Variants in TRIM24 observed in about 807,000 individuals in gnomAD.
TRIM24 encodes transcription intermediary factor 1-alpha.
A neutral mutation model predicts 123.9 loss-of-function variants in TRIM24; 29 were observed. The observed-to-expected ratio is 0.23, with a 90% CI of 0.17 to 0.32. The LOEUF (loss-of-function observed/expected upper bound fraction) is 0.32. Ranked by LOEUF, TRIM24 falls within the 10% of genes least tolerant of loss-of-function variation. TRIM24 has a pLI of 1.00. For missense variants in TRIM24, 932 were observed against 1,295.3 expected (o/e 0.72, Z 4.31); for synonymous variants, 456 against 461.1 (o/e 0.99, Z 0.14).
chr7:138,561,837 C>T (rs1226097125), intron 9 of TRIM24, among the ~76,000 whole-genome samples: 1 of 152,212 alleles, frequency 6.6e-6, no homozygotes, highest in African/African-American at 2.4e-5. Flanking sequence ...CAGCCTCCCA[C>T]AGGAGGGGCT....
intron 1 of TRIM24, among the ~76,000 whole-genome samples, chr7:138,492,250 G>A (rs1457557014): frequency 9.4e-6 from 1 of 106,050 alleles, no homozygotes; most frequent in African/African-American, 3.8e-5. Context: ...TCTAGCCTGG[G>A]CAACAGGATA....
intron 15 of TRIM24, 48 bp downstream of exon 15, chr7:138,579,580 A>C: frequency 6.8e-7 from 1 of 1,469,036 alleles, no homozygotes; most frequent in Non-Finnish European, 9.2e-7. Flanking sequence ...AAACTTTTGA[A>C]GATTATTTTA....
In TRIM24 at chr7:138,589,987, C is replaced by T. The variant is rs1327075820; in HGVS notation, c.*5036C>T. 6.6e-6 allele frequency: 1 copy of T among 152,066 alleles called. No homozygotes were observed. Among genetic ancestry groups the T allele is most frequent in the Non-Finnish European group, 1.5e-5 (1 of 68,036 alleles). The allele number at this position is 152,066 out of a possible 1,614,324, so 9.4% of individuals were successfully genotyped here. On this transcript the variant is annotated 3_prime_UTR_variant, in exon 19 of 19. Transcript: ENST00000343526. Reference sequence around the variant, plus strand: ...TAAACATTTAATAAAATTATTTTCCCACGTTTTCACATGTGGTATGGAATA... The same window carrying T: ...TAAACATTTAATAAAATTATTTTCCTACGTTTTCACATGTGGTATGGAATA...
At chr7:138,463,043 G>GTTTTT (rs57719141) in intron 1 of TRIM24, among the ~76,000 whole-genome samples, 12 of 60,136 alleles carry the variant, frequency 2.0e-4, no homozygotes, top group African/African-American at 5.8e-4. Flanking sequence ...CTAATTTTGT[G>GTTTTT]TTTTTTTTTT....
At chr7:138,583,737 G>GCA in intron 17 of TRIM24, 113 bp from the exon 18 acceptor site, 1 of 799,124 alleles carries the variant, frequency 1.3e-6, no homozygotes, top group East Asian at 2.9e-5. Context: ...ATGGCAAATA[G>GCA]CACAGAGAAA....
intron 10 of TRIM24, among the ~76,000 whole-genome samples, chr7:138,570,597 T>TACTA (rs1030359932): frequency 1.6e-4 from 24 of 151,670 alleles, no homozygotes; most frequent in African/African-American, 5.8e-4. Context: ...TTCTGGTATA[T>TACTA]ACTAACTGTT....
chr7:138,529,920 C>G (rs946040049), intron 6 of TRIM24, among the ~76,000 whole-genome samples: 4 of 151,672 alleles, frequency 2.6e-5, no homozygotes, highest in East Asian at 3.9e-4. Context: ...CATATTGATA[C>G]AGTAAAGAAG....
intron 7 of TRIM24, among the ~76,000 whole-genome samples, chr7:138,544,333 A>G (rs1161404267): frequency 6.6e-6 from 1 of 152,220 alleles, no homozygotes; most frequent in African/African-American, 2.4e-5. Flanking sequence ...CATCCTTGTT[A>G]TCACAAATAG....
At chr7:138,462,562 G>C (rs1017408927) in intron 1 of TRIM24, among the ~76,000 whole-genome samples, 1 of 151,654 alleles carries the variant, frequency 6.6e-6, no homozygotes, top group African/African-American at 2.4e-5. Flanking sequence ...GGATGGTCTC[G>C]ATCTCCTGAC....
chr7:138,523,132 T>C (rs1796537487), intron 4 of TRIM24, among the ~76,000 whole-genome samples: 2 of 152,122 alleles, frequency 1.3e-5, no homozygotes, highest in African/African-American at 4.8e-5. Flanking sequence ...AAAAATTCAG[T>C]CTTTCAAAAG....
At position 138,560,094 on chromosome 7, in the gene TRIM24, C is replaced by T. The variant is rs945220866; in HGVS notation, c.1530+5128C>T. On this transcript the variant is annotated intron_variant, in intron 9 of 18. Coordinates refer to ENST00000343526, the MANE Select transcript of TRIM24 (RefSeq NM_015905.3). ...ATAGCCAGTTTGTTTGGTGGGGGTG[C>T]ACCTGACTCAGAGGAGGACCATGGG... 6.6e-5 allele frequency among the ~76,000 whole-genome samples: 10 copies of T among 152,172 alleles called. No homozygotes were observed. The East Asian group carries it at 1.7e-3, about 26-fold the overall frequency.
At chr7:138,539,230 ACACAATATGAGGTATAGCCAGGG>A in intron 7 of TRIM24, among the ~76,000 whole-genome samples, 1 of 152,130 alleles carries the variant, frequency 6.6e-6, no homozygotes, top group Non-Finnish European at 1.5e-5. Flanking sequence ...GTCTAACATC[ACACAATATGAGGTATAGCCAGGG>A]TTTATAATAT....
intron 7 of TRIM24, among the ~76,000 whole-genome samples, chr7:138,546,964 T>C (rs1797113915): frequency 6.6e-6 from 1 of 152,198 alleles, no homozygotes; most frequent in Admixed American, 6.5e-5. Flanking sequence ...AATCAAGATC[T>C]TGAATAGATG....
intron 11 of TRIM24, among the ~76,000 whole-genome samples, chr7:138,572,656 C>T (rs1008590940): frequency 3.3e-5 from 5 of 152,174 alleles, no homozygotes; most frequent in African/African-American, 1.2e-4. Context: ...TATATACAAA[C>T]TGTGCCCTAT....
chr7:138,558,691 C>T (rs1411872372), intron 9 of TRIM24, among the ~76,000 whole-genome samples: 2 of 152,204 alleles, frequency 1.3e-5, no homozygotes, highest in East Asian at 3.8e-4. Flanking sequence ...TACAGACTGA[C>T]TTCTGAGTTT....
At position 138,515,214 on chromosome 7, in the gene TRIM24, A is replaced by G. The variant is rs760373763; in HGVS notation, c.486A>G (p.Val162=). 5 of 1,609,068 alleles carry G rather than the reference A, an allele frequency of 3.1e-6. No individual in the cohort carries two copies. Among genetic ancestry groups the G allele is most frequent in the Middle Eastern group, 3.3e-4 (2 of 6,022 alleles). The change falls in exon 3 of 19, where the codon GTA becomes GTG. Residue 162 remains valine (V), a splice_region_variant and synonymous_variant. Coordinates refer to ENST00000343526, the MANE Select transcript of TRIM24 (RefSeq NM_015905.3). The part of the protein sequence containing the change: ...PSSTVEKSNQ[V]CTSCEDNAEA... ...ACGTGCCATGGTTCTTTTGTCAGGTATGTACAAGCTGTGAGGACAACGCAG... is the reference window on the plus strand; with the variant it reads ...ACGTGCCATGGTTCTTTTGTCAGGTGTGTACAAGCTGTGAGGACAACGCAG...
At chr7:138,490,608 A>G (rs1341670412) in intron 1 of TRIM24, 1 of 279,064 alleles carries the variant, frequency 3.6e-6, no homozygotes, top group Non-Finnish European at 6.9e-6. Flanking sequence ...TTCATATCCA[A>G]CAGCTCATTC....
intron 6 of TRIM24, among the ~76,000 whole-genome samples, chr7:138,531,448 A>G (rs1028621286): frequency 3.6e-5 from 5 of 140,100 alleles, no homozygotes; most frequent in Admixed American, 1.6e-4. Context: ...ATTCCCACCT[A>G]TGAATGAGAA....
intron 6 of TRIM24, among the ~76,000 whole-genome samples, chr7:138,535,222 G>A (rs1214432491): frequency 6.6e-6 from 1 of 152,130 alleles, no homozygotes; most frequent in Non-Finnish European, 1.5e-5. Context: ...TACATTTAAG[G>A]TTAATATTGT....
Sources: allele counts gnomAD v4.1 joint callset (sites outside exome capture counted in the v4.1 genomes callset), GRCh38; gene constraint gnomAD v4.1.1; transcripts MANE v1.5; gene names NCBI Gene and HGNC (gene_info 2026-07-23, HGNC 2026-07-21).